KCNIP3: variants seen among roughly 807,000 people sequenced by gnomAD.
KCNIP3 encodes potassium voltage-gated channel interacting protein 3.
A neutral mutation model predicts 35.0 loss-of-function variants in KCNIP3; 28 were observed. That is an observed-to-expected ratio of 0.80 (90% confidence interval 0.59 to 1.10). The LOEUF is 1.10. KCNIP3 is among the 50% of genes least tolerant of loss of function. The pLI, the probability that KCNIP3 is intolerant of heterozygous loss-of-function variation, is 0.00. For synonymous variants in KCNIP3, 134 were observed against 133.8 expected (o/e 1.00, Z -0.01); for missense variants, 295 against 338.4 (o/e 0.87, Z 1.01).
intron 8 of KCNIP3, among the ~76,000 whole-genome samples, chr2:95,383,695 T>C (rs1680408019): frequency 6.6e-6 from 1 of 152,190 alleles, no homozygotes; most frequent in African/African-American, 2.4e-5. Flanking sequence ...CCAGCGCCTC[T>C]ATTGCCCCAC....
intron 2 of KCNIP3, among the ~76,000 whole-genome samples, chr2:95,353,205 G>T (rs1679571067): frequency 6.6e-6 from 1 of 152,198 alleles, no homozygotes; most frequent in South Asian, 2.1e-4. Flanking sequence ...TGTACAGGAG[G>T]CAAGGCCCTG....
intron 2 of KCNIP3, among the ~76,000 whole-genome samples, chr2:95,318,513 G>C (rs1678513177): frequency 6.6e-6 from 1 of 152,204 alleles, no homozygotes; most frequent in Non-Finnish European, 1.5e-5. Context: ...AGGGATGTAG[G>C]GGACTCCCTG....
chr2:95,360,631 T>C (rs928648423), intron 2 of KCNIP3, among the ~76,000 whole-genome samples: 19 of 152,338 alleles, frequency 1.2e-4, no homozygotes, highest in Admixed American at 8.5e-4. Context: ...AATGAACAGA[T>C]ATGTATTGGC....
At chr2:95,306,512 G>A (rs1678169593) in intron 1 of KCNIP3, among the ~76,000 whole-genome samples, 1 of 152,202 alleles carries the variant, frequency 6.6e-6, no homozygotes, top group Admixed American at 6.5e-5. Context: ...GTGAAGAAGT[G>A]CTGAGATGGA....
intron 2 of KCNIP3, among the ~76,000 whole-genome samples, chr2:95,333,005 C>T (rs964283849): frequency 1.4e-5 from 2 of 143,514 alleles, no homozygotes; most frequent in African/African-American, 5.3e-5. Context: ...GTGAAATGCC[C>T]TGTCTCGCGT....
At chr2:95,319,870 G>A (rs975072078) in intron 2 of KCNIP3, among the ~76,000 whole-genome samples, 24 of 152,168 alleles carry the variant, frequency 1.6e-4, no homozygotes, top group Non-Finnish European at 1.5e-4. Context: ...CATAAGCCTC[G>A]TATTGGATTA....
intron 2 of KCNIP3, chr2:95,347,065 C>G (rs1190424315): frequency 1.2e-6 from 2 of 1,612,144 alleles, no homozygotes; most frequent in Non-Finnish European, 1.7e-6. Flanking sequence ...CGTGGTGGTG[C>G]TGCTGTTCAT....
intron 8 of KCNIP3, 24 bp from the exon 9 acceptor site, chr2:95,383,978 G>T (rs1325499608): frequency 1.2e-6 from 2 of 1,612,928 alleles, no homozygotes; most frequent in African/African-American, 1.3e-5. Context: ...GCACCTGAAG[G>T]CCTCCCTTCC....
At chr2:95,381,791 T>G in intron 6 of KCNIP3, 88 bp downstream of exon 6, 1 of 903,080 alleles carries the variant, frequency 1.1e-6, no homozygotes, top group South Asian at 1.4e-5. Context: ...CTGCTCCTGC[T>G]GCCCACCTGT....
intron 1 of KCNIP3, 185 bp from the exon 2 acceptor site, chr2:95,310,170 A>C (rs1271614991): frequency 1.4e-6 from 1 of 731,256 alleles, no homozygotes; most frequent in Non-Finnish European, 2.5e-6. Context: ...GTGTAGAGTG[A>C]AAGGAACCTC....
Position 95,297,446 on chromosome 2 carries a change from C to A in KCNIP3, c.8C>A (p.Pro3Gln), listed in dbSNP as rs765224212. The change falls in exon 1 of 9, where the codon CCG becomes CAG. Residue 3 changes from proline (P) to glutamine (Q), a missense_variant. Physicochemically the swap from Pro to Gln is moderately conservative, Grantham distance 76. Transcript: ENST00000295225. MQ[P>Q]AKEVTKASDG... ...TTTTCTTCAGCGCCCAGGATGCAGCCGGCTAAGGTAGGTGCTGGGGGAATG... is the reference window on the plus strand; with the variant it reads ...TTTTCTTCAGCGCCCAGGATGCAGCAGGCTAAGGTAGGTGCTGGGGGAATG... 2 of 1,266,062 alleles carry A rather than the reference C, an allele frequency of 1.6e-6. No individual in the cohort carries two copies. Among genetic ancestry groups the A allele is most frequent in the Non-Finnish European group, 2.0e-6 (2 of 978,818 alleles). 78.4% of individuals were successfully genotyped at this position (1,266,062 alleles called of 1,614,324 possible). A position where few individuals can be genotyped will look rare whatever the true frequency, so the allele number is the denominator to read the frequency against.
At chr2:95,341,040 A>G (rs1303535219) in intron 2 of KCNIP3, among the ~76,000 whole-genome samples, 1 of 152,184 alleles carries the variant, frequency 6.6e-6, no homozygotes, top group East Asian at 1.9e-4. Context: ...GGTCTGATTC[A>G]ACGGTGGTAT....
At chr2:95,330,528 AG>A (rs1396939792) in intron 2 of KCNIP3, among the ~76,000 whole-genome samples, 1 of 152,186 alleles carries the variant, frequency 6.6e-6, no homozygotes, top group African/African-American at 2.4e-5. Context: ...ATTGGTGCTA[AG>A]GGAGACTCAC....
At chr2:95,349,182 C>T (rs1195106383) in intron 2 of KCNIP3, among the ~76,000 whole-genome samples, 2 of 152,136 alleles carry the variant, frequency 1.3e-5, no homozygotes, top group Admixed American at 6.5e-5. Flanking sequence ...CTGGAAGCTC[C>T]CATTGGCCAG....
intron 2 of KCNIP3, among the ~76,000 whole-genome samples, chr2:95,334,005 G>C (rs538186410): frequency 2.2e-4 from 34 of 152,198 alleles, no homozygotes; most frequent in Non-Finnish European, 4.4e-4. Flanking sequence ...GGCATCAAGC[G>C]TCCCAGATGG....
intron 5 of KCNIP3, among the ~76,000 whole-genome samples, chr2:95,379,301 G>A (rs1333978889): frequency 1.3e-5 from 2 of 152,154 alleles, no homozygotes; most frequent in Non-Finnish European, 2.9e-5. Flanking sequence ...CCTTTCCTTT[G>A]CCTACGGTTA....
chr2:95,327,183 C>T (rs1678815152), intron 2 of KCNIP3, among the ~76,000 whole-genome samples: 1 of 152,184 alleles, frequency 6.6e-6, no homozygotes, highest in South Asian at 2.1e-4. Context: ...GGCCGACTCC[C>T]AAGGTCTCTG....
chr2:95,348,961 C>CT (rs2104269709), intron 2 of KCNIP3, among the ~76,000 whole-genome samples: 2 of 152,272 alleles, frequency 1.3e-5, no homozygotes, highest in South Asian at 4.1e-4. Context: ...GTCAGTGGGG[C>CT]TTGCATGGAT....
At chr2:95,373,087 C>T (rs1680077819) in intron 2 of KCNIP3, among the ~76,000 whole-genome samples, 1 of 152,184 alleles carries the variant, frequency 6.6e-6, no homozygotes, top group Admixed American at 6.5e-5. Context: ...AGGCAGCAGC[C>T]AGCACCAGAG....
Sources: allele counts gnomAD v4.1 joint callset (sites outside exome capture counted in the v4.1 genomes callset), GRCh38; gene constraint gnomAD v4.1.1; transcripts MANE v1.5; gene names NCBI Gene and HGNC (gene_info 2026-07-23, HGNC 2026-07-21).